The following PLEKHM3 variants were observed in gnomAD, a reference collection of about 807,000 sequenced individuals.
The protein encoded by PLEKHM3 is pleckstrin homology domain-containing family M member 3.
A neutral mutation model predicts 81.8 loss-of-function variants in PLEKHM3; 45 were observed. The ratio of observed to expected loss-of-function variants is 0.55; its 90% confidence interval spans 0.43 to 0.71. The LOEUF (loss-of-function observed/expected upper bound fraction) is 0.71. PLEKHM3 is among the 30% of genes least tolerant of loss of function. The probability of loss-of-function intolerance (pLI) is 0.00; values close to 1 mark genes in which losing one functional copy is unlikely to be tolerated. For missense variants in PLEKHM3, 788 were observed against 924.3 expected, an observed-to-expected ratio of 0.85 and a Z score of 1.91; for synonymous variants, 352 against 356.4, an observed-to-expected ratio of 0.99 and a Z score of 0.14.
chr2:207,991,142 T>C (rs1205242188), intron 2 of PLEKHM3, among the ~76,000 whole-genome samples: 3 of 152,222 alleles, frequency 2.0e-5, no homozygotes, highest in Non-Finnish European at 4.4e-5. Flanking sequence ...GTTGAGGTTT[T>C]GGACCCAGGA....
chr2:207,981,077 G>A (rs1037201106), intron 2 of PLEKHM3, among the ~76,000 whole-genome samples: 18 of 149,116 alleles, frequency 1.2e-4, no homozygotes, highest in African/African-American at 4.5e-4. Context: ...ACAGTGAGCC[G>A]AGATTACGCC....
chr2:207,958,242 A>G (rs762282592), intron 3 of PLEKHM3, among the ~76,000 whole-genome samples: 12 of 152,028 alleles, frequency 7.9e-5, no homozygotes, highest in Non-Finnish European at 1.6e-4. Flanking sequence ...AAAAAGAGGC[A>G]CCATCATCTA....
intron 6 of PLEKHM3, among the ~76,000 whole-genome samples, chr2:207,898,801 T>C (rs1305962590): frequency 6.6e-6 from 1 of 152,042 alleles, no homozygotes; most frequent in Non-Finnish European, 1.5e-5. Context: ...GAGGCTGAGA[T>C]GGGAGGATTG....
intron 5 of PLEKHM3, among the ~76,000 whole-genome samples, chr2:207,915,908 A>G (rs1688977416): frequency 6.6e-6 from 1 of 152,350 alleles, no homozygotes; most frequent in African/African-American, 2.4e-5. Flanking sequence ...CACTGAAATC[A>G]GCAAAAAGCA....
At chr2:207,973,279 T>G (rs965545121) in intron 3 of PLEKHM3, among the ~76,000 whole-genome samples, 7 of 152,228 alleles carry the variant, frequency 4.6e-5, no homozygotes, top group Non-Finnish European at 7.3e-5. Flanking sequence ...GAAACACAGA[T>G]CAATTTTTAA....
At chr2:207,972,213 C>G (rs1193611961) in intron 3 of PLEKHM3, among the ~76,000 whole-genome samples, 1 of 152,118 alleles carries the variant, frequency 6.6e-6, no homozygotes, top group Non-Finnish European at 1.5e-5. Flanking sequence ...TTTCAAATTT[C>G]AAGAAGTAGA....
intron 2 of PLEKHM3, among the ~76,000 whole-genome samples, chr2:207,988,195 T>C (rs1384224151): frequency 2.0e-5 from 3 of 152,192 alleles, no homozygotes; most frequent in Non-Finnish European, 4.4e-5. Flanking sequence ...GGAGCTCTTG[T>C]ATATATAAGA....
chr2:207,850,167 T>C (rs1159902461), intron 7 of PLEKHM3, among the ~76,000 whole-genome samples: 8 of 152,150 alleles, frequency 5.3e-5, no homozygotes, highest in Non-Finnish European at 8.8e-5. Flanking sequence ...AGGAGATTAA[T>C]CCATTTTAAC....
chr2:208,003,141 CT>C (rs1692370233), intron 1 of PLEKHM3, among the ~76,000 whole-genome samples: 1 of 152,150 alleles, frequency 6.6e-6, no homozygotes, highest in East Asian at 1.9e-4. Flanking sequence ...GTGAATAAGC[CT>C]CATGAGATCT....
At chr2:207,905,224 C>T (rs1688562828) in intron 6 of PLEKHM3, among the ~76,000 whole-genome samples, 1 of 152,130 alleles carries the variant, frequency 6.6e-6, no homozygotes, top group South Asian at 2.1e-4. Flanking sequence ...ACATTAAAAG[C>T]CCCTTTTCTC....
At chr2:207,877,923 G>A (rs919404127) in intron 6 of PLEKHM3, among the ~76,000 whole-genome samples, 15 of 152,144 alleles carry the variant, frequency 9.9e-5, no homozygotes, top group Non-Finnish European at 2.1e-4. Context: ...GATATGTGCC[G>A]TCACTGCTCT....
intron 4 of PLEKHM3, among the ~76,000 whole-genome samples, chr2:207,945,263 G>C (rs544745046): frequency 1.3e-5 from 2 of 152,184 alleles, no homozygotes; most frequent in South Asian, 4.2e-4. Flanking sequence ...CCCTCCTCTT[G>C]TCTCTAGGCT....
At chr2:207,999,432 T>C (rs930458684) in intron 2 of PLEKHM3, among the ~76,000 whole-genome samples, 11 of 151,916 alleles carry the variant, frequency 7.2e-5, no homozygotes, top group Non-Finnish European at 1.0e-4. Context: ...CATAGCAACA[T>C]AGCAAGACCC....
intron 3 of PLEKHM3, among the ~76,000 whole-genome samples, chr2:207,965,391 TA>T (rs550001997): frequency 0.068 from 8,745 of 129,386 alleles, 779 homozygotes; most frequent in African/African-American, 0.22. Flanking sequence ...ATGAACGGCT[TA>T]AAAAAAAAAA....
At chr2:207,865,193 T>G (rs1045492776) in intron 6 of PLEKHM3, among the ~76,000 whole-genome samples, 1 of 152,172 alleles carries the variant, frequency 6.6e-6, no homozygotes, top group African/African-American at 2.4e-5. Context: ...ACTTATGGAG[T>G]TTATAGTGAA....
At chr2:207,962,485 A>G (rs1412639824) in intron 3 of PLEKHM3, among the ~76,000 whole-genome samples, 2 of 152,168 alleles carry the variant, frequency 1.3e-5, no homozygotes, top group Non-Finnish European at 2.9e-5. Context: ...TAAAACTGCA[A>G]TTGTATGTAT....
intron 6 of PLEKHM3, among the ~76,000 whole-genome samples, chr2:207,896,820 T>G (rs1222845329): frequency 6.6e-6 from 1 of 152,232 alleles, no homozygotes; most frequent in Admixed American, 6.5e-5. Flanking sequence ...TCTGGTAAGC[T>G]TCTCTCCGCA....
At chr2:208,008,501 C>CAAAAAAAAAAAAAAAAAAAAAAAAAAAA (rs59305459) in intron 1 of PLEKHM3, among the ~76,000 whole-genome samples, 2 of 83,742 alleles carry the variant, frequency 2.4e-5, no homozygotes, top group African/African-American at 5.5e-5. Flanking sequence ...CTAACCTTGC[C>CAAAAAAAAAAAAAAAAAAAAAAAAAAAA]AAAAAAAAAA....
intron 6 of PLEKHM3, among the ~76,000 whole-genome samples, chr2:207,897,436 G>T (rs1268841285): frequency 6.6e-6 from 1 of 152,144 alleles, no homozygotes; most frequent in African/African-American, 2.4e-5. Flanking sequence ...TTAAGTGTCA[G>T]GCAAAGTTCT....
Sources: gnomAD v4.1 joint callset for allele counts (sites outside exome capture counted in the v4.1 genomes callset) on GRCh38, gnomAD v4.1.1 for gene constraint, MANE v1.5 for transcripts, NCBI Gene and HGNC (gene_info 2026-07-23, HGNC 2026-07-21) for gene names.